FAF1: variants seen among roughly 807,000 people sequenced by gnomAD.
The protein encoded by FAF1 is Fas associated factor 1, also known as FAS-associated factor 1.
Under a neutral mutation model 92.5 loss-of-function variants are expected in FAF1, and 25 were observed. The ratio of observed to expected loss-of-function variants is 0.27; its 90% CI spans 0.20 to 0.38. The LOEUF (loss-of-function observed/expected upper bound fraction) is 0.38, where lower values mean the gene tolerates loss of function less well. Ranked by LOEUF, FAF1 falls within the 10% of genes least tolerant of loss-of-function variation. FAF1 has a pLI of 1.00. For missense variants in FAF1, 636 were observed against 793.3 expected (o/e 0.80, Z 2.38); for synonymous variants, 234 against 273.2 (o/e 0.86, Z 1.42).
intron 5 of FAF1, among the ~76,000 whole-genome samples, chr1:50,742,469 C>T (rs545175804): frequency 1.5e-4 from 23 of 152,234 alleles, no homozygotes; most frequent in African/African-American, 5.5e-4. Flanking sequence ...CTGCAACCTC[C>T]ACCTCCCAGG....
At chr1:50,545,569 C>T (rs1047669689) in intron 13 of FAF1, among the ~76,000 whole-genome samples, 2 of 151,002 alleles carry the variant, frequency 1.3e-5, no homozygotes, top group African/African-American at 4.9e-5. Flanking sequence ...CCATGCCCAC[C>T]TAAAGCTATA....
intron 1 of FAF1, among the ~76,000 whole-genome samples, chr1:50,874,699 A>G (rs1042452651): frequency 6.6e-6 from 1 of 151,668 alleles, no homozygotes; most frequent in Non-Finnish European, 1.5e-5. Context: ...TAAAAAAGTC[A>G]GAAATGTTTA....
chr1:50,550,220 AGGCACCTGTAGT>A (rs1649244242), intron 13 of FAF1, among the ~76,000 whole-genome samples: 1 of 151,654 alleles, frequency 6.6e-6, no homozygotes, highest in Non-Finnish European at 1.5e-5. Context: ...GCATGGTGGC[AGGCACCTGTAGT>A]CCCAGCTACT....
chr1:50,446,565 C>T (rs1034539803), intron 18 of FAF1, among the ~76,000 whole-genome samples: 5 of 152,126 alleles, frequency 3.3e-5, no homozygotes, highest in South Asian at 2.1e-4. Context: ...AGGCTGGGAG[C>T]GACCTGAGGG....
intron 18 of FAF1, chr1:50,451,796 A>G: frequency 1.0e-6 from 1 of 983,810 alleles, no homozygotes; most frequent in South Asian, 4.6e-5. Flanking sequence ...AACTTACCCA[A>G]GTTTATTCAG....
At chr1:50,679,122 C>T (rs1387105673) in intron 7 of FAF1, among the ~76,000 whole-genome samples, 1 of 152,096 alleles carries the variant, frequency 6.6e-6, no homozygotes, top group Non-Finnish European at 1.5e-5. Flanking sequence ...TGTGCCAGAT[C>T]TTTTATCTAC....
intron 1 of FAF1, among the ~76,000 whole-genome samples, chr1:50,884,531 A>C (rs1200118555): frequency 6.6e-6 from 1 of 151,898 alleles, no homozygotes; most frequent in East Asian, 1.9e-4. Flanking sequence ...CAAAAAAAAA[A>C]AAAAAAAATT....
rs78325708 is a variant in FAF1 at position 50,687,355 on chromosome 1, C to CAA, written c.657+18429_657+18430dup. On this transcript the variant is annotated intron_variant, in intron 7 of 18. Transcript: ENST00000396153. ...ACCAATTCCAGAACGTTTTATCAAT[C>CAA]AAAAAAAAAAAAAAAAAACCCAACC... Among the ~76,000 whole-genome samples the CAA allele has an allele frequency of 7.0e-3, 588 of 83,758 alleles. 5 individuals carry two copies. The highest frequency in any genetic ancestry group is 0.016 in the African/African-American group (395 of 24,060). The allele number at this position is 83,758 out of a possible 152,430, so 54.9% of individuals were successfully genotyped here.
At chr1:50,707,640 G>A (rs1159706945) in intron 6 of FAF1, among the ~76,000 whole-genome samples, 1 of 152,118 alleles carries the variant, frequency 6.6e-6, no homozygotes, top group East Asian at 1.9e-4. Flanking sequence ...GTTGCAGTGA[G>A]CTGAGATGGC....
At position 50,565,740 on chromosome 1, in the gene FAF1, T is replaced by C. The variant is rs558133775; in HGVS notation, c.1268+1337A>G. On this transcript the variant is annotated intron_variant, in intron 13 of 18. Transcript: ENST00000396153. ...AAATAAAAGGAACTAAGGAATTAAA[T>C]GGAGGATAGAACAAAATAACAGCAG... is the stretch of plus-strand genomic sequence containing the variant. Among the ~76,000 whole-genome samples the C allele has an allele frequency of 3.3e-5, 5 of 152,190 alleles. No individual in the cohort carries two copies. In the South Asian group the frequency reaches 1.0e-3, roughly 32 times the overall value.
At chr1:50,828,055 T>C (rs1644118609) in intron 2 of FAF1, among the ~76,000 whole-genome samples, 1 of 151,148 alleles carries the variant, frequency 6.6e-6, no homozygotes, top group Non-Finnish European at 1.5e-5. Context: ...AAGACCATCT[T>C]AGTAAAGAAA....
chr1:50,690,493 C>T lies in FAF1; in HGVS notation c.657+15293G>A, dbSNP rs1050560265. Among the ~76,000 whole-genome samples the T allele has an allele frequency of 1.5e-4, 23 of 151,766 alleles. 1 individual carries two copies. Among genetic ancestry groups the T allele is most frequent in the Admixed American group, 1.4e-3 (21 of 15,232 alleles). On this transcript the variant is annotated intron_variant, in intron 7 of 18. Coordinates refer to ENST00000396153, the MANE Select transcript of FAF1 (RefSeq NM_007051.3). ...GCACACGTCTGTAATCCCAGCTATTCGGGAGGCTGAGGTAGGAGAATCGCT... is the reference window on the plus strand; with the variant it reads ...GCACACGTCTGTAATCCCAGCTATTTGGGAGGCTGAGGTAGGAGAATCGCT...
intron 17 of FAF1, among the ~76,000 whole-genome samples, chr1:50,486,063 T>C (rs753649975): frequency 1.3e-5 from 2 of 152,160 alleles, no homozygotes; most frequent in South Asian, 2.1e-4. Context: ...ACCAATTTTG[T>C]AGAGTGGTTG....
At chr1:50,605,145 C>G (rs1652317808) in intron 8 of FAF1, among the ~76,000 whole-genome samples, 2 of 151,924 alleles carry the variant, frequency 1.3e-5, no homozygotes, top group South Asian at 4.2e-4. Context: ...TTTTTTTAAT[C>G]TTCTAGGGCA....
intron 2 of FAF1, among the ~76,000 whole-genome samples, chr1:50,832,769 T>A (rs938771677): frequency 6.6e-6 from 1 of 152,214 alleles, no homozygotes; most frequent in Non-Finnish European, 1.5e-5. Flanking sequence ...TGTTTCCCCA[T>A]GTGGGAAAAT....
chr1:50,953,436 G>A (rs1333514757), intron 1 of FAF1, among the ~76,000 whole-genome samples: 2 of 150,538 alleles, frequency 1.3e-5, no homozygotes, highest in Non-Finnish European at 1.5e-5. Context: ...TTTAAAAAAA[G>A]AAAAAAAAGA....
chr1:50,614,142 T>A (rs1174596503), intron 8 of FAF1, among the ~76,000 whole-genome samples: 2 of 150,948 alleles, frequency 1.3e-5, no homozygotes, highest in Non-Finnish European at 3.0e-5. Flanking sequence ...GAGACAAAAA[T>A]GGGAAAACCC....
chr1:50,584,888 A>C, intron 9 of FAF1, 77 bp from the exon 10 acceptor site: 1 of 1,297,166 alleles, frequency 7.7e-7, no homozygotes, highest in East Asian at 2.4e-5. Flanking sequence ...TAATAATAAC[A>C]ACAGGACATA....
chr1:50,806,084 C>T (rs900318413), intron 2 of FAF1, among the ~76,000 whole-genome samples: 11 of 152,112 alleles, frequency 7.2e-5, no homozygotes, highest in African/African-American at 2.2e-4. Flanking sequence ...AAAAGACAAG[C>T]TGCAGACTAG....
Sources: gnomAD v4.1 joint callset for allele counts (sites outside exome capture counted in the v4.1 genomes callset) on GRCh38, gnomAD v4.1.1 for gene constraint, MANE v1.5 for transcripts, NCBI Gene and HGNC (gene_info 2026-07-23, HGNC 2026-07-21) for gene names.